The following RAP1GAP variants were observed in gnomAD, a reference collection of about 807,000 sequenced individuals.
RAP1GAP encodes RAP1 GTPase activating protein, also known as rap1 GTPase-activating protein 1.
Under a neutral mutation model 87.2 loss-of-function variants are expected in RAP1GAP, and 35 were observed. The observed-to-expected ratio is 0.40, with a 90% CI of 0.31 to 0.53. RAP1GAP has a LOEUF of 0.53. RAP1GAP is among the 20% of genes least tolerant of loss of function. The pLI, the probability that RAP1GAP is intolerant of heterozygous loss-of-function variation, is 0.48. For missense variants in RAP1GAP, 734 were observed against 898.9 expected (o/e 0.82, Z 2.35); for synonymous variants, 375 against 363.9 (o/e 1.03, Z -0.35).
At chr1:21,618,897 G>C in intron 5 of RAP1GAP, 128 bp downstream of exon 5, 26 of 1,078,460 alleles carry the variant, frequency 2.4e-5, no homozygotes, top group African/African-American at 1.6e-4. Context: ...CCCTACCCCC[G>C]CACCTGGCAC....
rs1256282 is a variant in RAP1GAP, at chr1:21,613,248, G to C, written c.475-19C>G. 0.44 allele frequency: 677,784 copies of C among 1,536,686 alleles called. 151,681 individuals are homozygous for C. The highest frequency in any genetic ancestry group is 0.64 in the Admixed American group (38,261 of 59,818). On this transcript the variant is annotated intron_variant, in intron 9 of 24. Coordinates refer to ENST00000374765, the MANE Select transcript of RAP1GAP (RefSeq NM_002885.4). This position sits in a 1 kb window ranked among gnomAD's most constrained non-coding sequence, Gnocchi z 4.7. ...ACACCAACTGCAGGAGGAGATAAGG[G>C]AGGGGTGTGAGGTGTGGGGCCAGGG... is the stretch of plus-strand genomic sequence containing the variant.
chr1:21,600,762 G>C (rs2067520044), intron 20 of RAP1GAP, among the ~76,000 whole-genome samples: 1 of 151,748 alleles, frequency 6.6e-6, no homozygotes, highest in Non-Finnish European at 1.5e-5. Context: ...GCGGGCACCT[G>C]TAGTCCCAGC....
chr1:21,617,172 A>G, intron 7 of RAP1GAP, 134 bp downstream of exon 7: 3 of 985,004 alleles, frequency 3.0e-6, no homozygotes, highest in Non-Finnish European at 4.4e-6. Context: ...GTGTGGTGGG[A>G]GCACATTCAC....
chr1:21,651,461 G>A (rs1311082778), intron 1 of RAP1GAP: 5 of 602,338 alleles, frequency 8.3e-6, no homozygotes, highest in Middle Eastern at 2.8e-4. Context: ...GAGTAGCCCC[G>A]CAGCCCCAGT....
Position 21,613,836 on chromosome 1 carries a change from C to T in RAP1GAP, c.396-130G>A. 1 of 1,154,870 alleles carries T rather than the reference C, an allele frequency of 8.7e-7. No homozygotes were observed. Among genetic ancestry groups the T allele is most frequent in the African/African-American group, 1.5e-5 (1 of 65,896 alleles). 71.5% of individuals were successfully genotyped at this position (1,154,870 alleles called of 1,614,324 possible). A position where few individuals can be genotyped will look rare whatever the true frequency, so the allele number is the denominator to read the frequency against. ...ACCAGAGGTGATGATGGGTGTCAGG[C>T]TGACTCGGGTACTAACTTGCTGTGC... is the stretch of plus-strand genomic sequence containing the variant. On this transcript the variant is annotated intron_variant, in intron 8 of 24. Coordinates refer to ENST00000374765, the MANE Select transcript of RAP1GAP (RefSeq NM_002885.4). This position sits in a 1 kb window ranked among gnomAD's most constrained non-coding sequence, Gnocchi z 4.7.
Position 21,617,964 on chromosome 1 carries a change from C to T in RAP1GAP, c.75G>A (p.Glu25=). ...GCACGCTCGGGTATGGAATGTAGTC[C>T]TCCTCTGTCTGCAAAACACAAACAG... The part of the protein sequence containing the change: ...CSFPPPLKTE[E]DYIPYPSVHE... Residue 25 remains glutamate (E), a synonymous_variant, in exon 6 of 25, where the codon GAG becomes GAA. Transcript: ENST00000374765. 6.2e-7 allele frequency: 1 copy of T among 1,614,114 alleles called. No homozygotes were observed. Among genetic ancestry groups the T allele is most frequent in the Non-Finnish European group, 8.5e-7 (1 of 1,180,012 alleles).
In RAP1GAP at chr1:21,656,417, TAAAAAAAAAAAAAAAAAA is replaced by T. The variant is rs71661339; in HGVS notation, c.-148-6639_-148-6622del. 4.0e-4 allele frequency among the ~76,000 whole-genome samples: 38 copies of T among 96,196 alleles called. 2 individuals carry two copies. Among genetic ancestry groups the T allele is most frequent in the Admixed American group, 2.6e-3 (26 of 9,898 alleles). The allele number at this position is 96,196 out of a possible 152,430, so 63.1% of individuals were successfully genotyped here. On this transcript the variant is annotated intron_variant, in intron 1 of 24. Transcript: ENST00000374765. ...CTGGGTGACATAGCAAGACTCCATCTAAAAAAAAAAAAAAAAAAAAAAAAAAAAAAAAAAAAAGACCTA... is the reference window on the plus strand; with the variant it reads ...CTGGGTGACATAGCAAGACTCCATCTAAAAAAAAAAAAAAAAAAAGACCTA...
In RAP1GAP at chr1:21,603,222, C is replaced by T. The variant is rs952802432; in HGVS notation, c.1429-309G>A. The stretch of plus-strand genomic sequence containing the variant: ...AGTCCTCAGAATGGCTACCGCTCCC[C>T]GCCCCCCAGGGCTCTGTGGGATCTG... On this transcript the variant is annotated intron_variant, in intron 18 of 24. Coordinates refer to ENST00000374765, the MANE Select transcript of RAP1GAP (RefSeq NM_002885.4). This position sits in a 1 kb window ranked among gnomAD's most constrained non-coding sequence, Gnocchi z 6.0. The T allele has an allele frequency of 3.4e-5, 14 of 408,892 alleles. No homozygotes were observed. The highest frequency in any genetic ancestry group is 1.2e-4 in the Admixed American group (3 of 24,558). 25.3% of individuals were successfully genotyped at this position (408,892 alleles called of 1,614,324 possible).
At chr1:21,623,847 T>G (rs1167011731) in intron 3 of RAP1GAP, among the ~76,000 whole-genome samples, 1 of 152,188 alleles carries the variant, frequency 6.6e-6, no homozygotes, top group Non-Finnish European at 1.5e-5. Context: ...CGAGACCTGC[T>G]CACAGCACTG....
rs927531777 is a variant in RAP1GAP, at chr1:21,634,086, A to G, written c.-112-7689T>C. Among the ~76,000 whole-genome samples, 4 of 144,066 alleles carry G rather than the reference A, an allele frequency of 2.8e-5. No homozygotes were observed. Among genetic ancestry groups the G allele is most frequent in the African/African-American group, 8.1e-5 (3 of 36,902 alleles). The allele number at this position is 144,066 out of a possible 152,430, so 94.5% of individuals were successfully genotyped here. On this transcript the variant is annotated intron_variant, in intron 2 of 24. Transcript: ENST00000374765. This position sits in a 1 kb window ranked among gnomAD's most constrained non-coding sequence, Gnocchi z 4.1. The stretch of plus-strand genomic sequence containing the variant: ...GGGGGGGGGGGGGCCACAGAAGCCC[A>G]TTGTTTTCTGAGCTCAACCAGCCGG...
intron 2 of RAP1GAP, among the ~76,000 whole-genome samples, chr1:21,642,268 A>G (rs931618040): frequency 6.6e-6 from 1 of 152,194 alleles, no homozygotes; most frequent in Non-Finnish European, 1.5e-5. Context: ...TTCCGCACCC[A>G]CTGCAGGCGC....
chr1:21,613,696 G>C lies in RAP1GAP; in HGVS notation c.406C>G (p.Arg136Gly). 2 of 1,612,716 alleles carry C rather than the reference G, an allele frequency of 1.2e-6. No homozygotes were observed. Among genetic ancestry groups the C allele is most frequent in the Non-Finnish European group, 1.7e-6 (2 of 1,179,170 alleles). ...ATGGGGATGACATCATGGTATGTCC[G>C]GCACTTGGTCCTGAGAAGAGAAAGT... is the stretch of plus-strand genomic sequence containing the variant. Reference protein sequence around the residue: ...HLRLLLRTKCRTYHDVIPISC... With the variant: ...HLRLLLRTKCGTYHDVIPISC... Residue 136 changes from arginine to glycine, a missense_variant, in exon 9 of 25, where the codon CGG becomes GGG. This residue lies in a region of RAP1GAP where 485 missense variants were observed against 646.2 expected (regional missense o/e 0.75). Transcript: ENST00000374765. The surrounding 1 kb of genome is among the most constrained non-coding windows in gnomAD (Gnocchi z 4.7).
At chr1:21,652,608 A>G (rs1487607703) in intron 1 of RAP1GAP, among the ~76,000 whole-genome samples, 1 of 152,054 alleles carries the variant, frequency 6.6e-6, no homozygotes, top group African/African-American at 2.4e-5. Context: ...CCCTCTTGAA[A>G]AGTCATGCAG....
Position 21,644,765 on chromosome 1 carries a change from G to A in RAP1GAP, c.-113+4996C>T, listed in dbSNP as rs953285011. On this transcript the variant is annotated intron_variant, in intron 2 of 24. Transcript: ENST00000374765. Reference sequence around the variant, plus strand: ...ATACACAAAAAAATTAGCCGGGTGTGGTGGCAGGCGCCTGTAATCCCAGCT... The same window carrying A: ...ATACACAAAAAAATTAGCCGGGTGTAGTGGCAGGCGCCTGTAATCCCAGCT... 3.9e-5 allele frequency among the ~76,000 whole-genome samples: 6 copies of A among 152,132 alleles called. No homozygotes were observed. The South Asian group carries it at 1.2e-3, about 32-fold the overall frequency.
intron 1 of RAP1GAP, among the ~76,000 whole-genome samples, chr1:21,654,520 T>C (rs1387070450): frequency 1.3e-5 from 2 of 152,258 alleles, no homozygotes; most frequent in Non-Finnish European, 2.9e-5. Context: ...ATTTGTCACT[T>C]AACATGTGTT....
At position 21,613,949 on chromosome 1, in the gene RAP1GAP, C is replaced by A; in HGVS notation, c.395+37G>T. 6.8e-7 allele frequency: 1 copy of A among 1,474,550 alleles called. No individual in the cohort carries two copies. The highest frequency in any genetic ancestry group is 9.4e-7 in the Non-Finnish European group (1 of 1,065,566). The allele number at this position is 1,474,550 out of a possible 1,614,324, so 91.3% of individuals were successfully genotyped here. ...GGCTCTGAGATTGTAAGACCTCAGC[C>A]CTTCCTGCCATCTCAGGACTCCCCC... On this transcript the variant is annotated intron_variant, in intron 8 of 24. Coordinates refer to ENST00000374765, the MANE Select transcript of RAP1GAP (RefSeq NM_002885.4). This position sits in a 1 kb window ranked among gnomAD's most constrained non-coding sequence, Gnocchi z 4.7.
chr1:21,640,024 G>T (rs2095362331), intron 2 of RAP1GAP, among the ~76,000 whole-genome samples: 1 of 152,080 alleles, frequency 6.6e-6, no homozygotes, highest in East Asian at 1.9e-4. Context: ...CGTGGCCCAC[G>T]AGGCCCTGCG....
chr1:21,667,783 AC>A (rs1288411846), intron 1 of RAP1GAP: 1 of 152,228 alleles, frequency 6.6e-6, no homozygotes, highest in East Asian at 1.9e-4. Flanking sequence ...CAGTTTCCTC[AC>A]CTGTGCAATG....
Position 21,613,229 on chromosome 1 carries a change from A to G in RAP1GAP, c.475T>C (p.Leu159=). The G allele has an allele frequency of 6.4e-7, 1 of 1,554,210 alleles. No homozygotes were observed. Among genetic ancestry groups the G allele is most frequent in the Non-Finnish European group, 8.9e-7 (1 of 1,125,700 alleles). The change falls in exon 10 of 25, where the codon TTG becomes CTG. Residue 159 remains leucine, a splice_region_variant and synonymous_variant. Transcript: ENST00000374765. This position sits in a 1 kb window ranked among gnomAD's most constrained non-coding sequence, Gnocchi z 4.7. ...EFPNVVQMAK[L]VCEDVNVDRF... ...TCCACATTGACGTCTTCACACACCA[A>G]CTGCAGGAGGAGATAAGGGAGGGGT...
Sources: allele counts gnomAD v4.1 joint callset (sites outside exome capture counted in the v4.1 genomes callset), GRCh38; gene constraint gnomAD v4.1.1; regional missense constraint gnomAD v4.1.1; non-coding constraint Gnocchi (gnomAD v3.1); transcripts MANE v1.5; gene names NCBI Gene and HGNC (gene_info 2026-07-23, HGNC 2026-07-21).